The following CUX1 variants were observed in gnomAD, a reference collection of about 807,000 sequenced individuals.
CUX1 encodes the protein cut like homeobox 1.
CUX1 carries 31 observed loss-of-function variants against 158.8 expected under a neutral mutation model. That is an observed-to-expected ratio of 0.20 (90% CI 0.15 to 0.26). The LOEUF (loss-of-function observed/expected upper bound fraction) is 0.26. CUX1 is among the 10% of genes least tolerant of loss of function. The pLI is 1.00. For missense variants in CUX1, 1,589 were observed against 2,014.6 expected, an observed-to-expected ratio of 0.79 and a Z score of 4.04; for synonymous variants, 879 against 862.1, an observed-to-expected ratio of 1.02 and a Z score of -0.34.
intron 8 of CUX1, among the ~76,000 whole-genome samples, chr7:102,119,877 C>T (rs1263596331): frequency 6.6e-6 from 1 of 152,142 alleles, no homozygotes; most frequent in African/African-American, 2.4e-5. Flanking sequence ...AACATAGCTC[C>T]TTCTCAGATG....
At chr7:102,164,397 T>G (rs1790787000) in intron 9 of CUX1, among the ~76,000 whole-genome samples, 1 of 152,256 alleles carries the variant, frequency 6.6e-6, no homozygotes, top group African/African-American at 2.4e-5. Context: ...TGAATGAATA[T>G]GGGCTTTGAC....
chr7:102,055,868 A>G (rs983784521), intron 3 of CUX1, among the ~76,000 whole-genome samples: 4 of 152,232 alleles, frequency 2.6e-5, no homozygotes, highest in African/African-American at 9.6e-5. Flanking sequence ...CATCAAGGAT[A>G]TGAAAAGTGC....
At chr7:102,030,548 T>A (rs1389925378) in intron 3 of CUX1, among the ~76,000 whole-genome samples, 1 of 152,074 alleles carries the variant, frequency 6.6e-6, no homozygotes, top group East Asian at 1.9e-4. Context: ...TAATTCCAGG[T>A]CATCTCATAT....
At chr7:102,231,098 C>T (rs1426233260) in intron 21 of CUX1, among the ~76,000 whole-genome samples, 2 of 147,116 alleles carry the variant, frequency 1.4e-5, no homozygotes, top group African/African-American at 5.1e-5. Flanking sequence ...GGCGCGATCT[C>T]GGCTTACTGC....
intron 3 of CUX1, among the ~76,000 whole-genome samples, chr7:102,029,667 C>T (rs1215514241): frequency 1.3e-5 from 2 of 152,178 alleles, no homozygotes; most frequent in African/African-American, 4.8e-5. Flanking sequence ...GTACCCCTCT[C>T]TTCTTATGAT....
intron 5 of CUX1, among the ~76,000 whole-genome samples, chr7:102,102,071 G>C (rs562224171): frequency 6.6e-6 from 1 of 152,250 alleles, no homozygotes; most frequent in African/African-American, 2.4e-5. Flanking sequence ...CGTATGGCTT[G>C]AGAGAGACGT....
chr7:102,060,847 T>A (rs1824769841), intron 3 of CUX1, among the ~76,000 whole-genome samples: 1 of 146,934 alleles, frequency 6.8e-6, no homozygotes, highest in Non-Finnish European at 1.5e-5. Flanking sequence ...TTCCTGACCT[T>A]GTGATCTGCC....
chr7:102,201,528 A>G lies in CUX1; in HGVS notation c.2231A>G (p.Lys744Arg). The G allele has an allele frequency of 6.2e-7, 1 of 1,614,012 alleles. No homozygotes were observed. Among genetic ancestry groups the G allele is most frequent in the East Asian group, 2.2e-5 (1 of 44,860 alleles). ...AGTGACATCACCATCCTCACCCCCA[A>G]GCTTCTGTCCACCTCGCCCATGCCC... ...SQSDITILTP[K>R]LLSTSPMPTV... The change falls in exon 18 of 24, where the codon AAG (lysine) becomes AGG (arginine). Residue 744 changes from lysine (K) to arginine (R), a missense_variant. Physicochemically the swap from Lys to Arg is conservative, Grantham distance 26. Around this residue, in one of 8 missense-constraint regions of CUX1, gnomAD observed 337 missense variants for 409.3 expected, o/e 0.82. Transcript: ENST00000292535. The surrounding 1 kb of genome is among the most constrained non-coding windows in gnomAD (Gnocchi z 5.0).
intron 2 of CUX1, among the ~76,000 whole-genome samples, chr7:101,998,770 G>T (rs1816297647): frequency 1.3e-5 from 2 of 152,184 alleles, no homozygotes; most frequent in African/African-American, 4.8e-5. Flanking sequence ...CGAGGATGCT[G>T]TGCTGTGTTG....
intron 2 of CUX1, among the ~76,000 whole-genome samples, chr7:101,981,659 C>CTGGT (rs1030323578): frequency 6.6e-5 from 10 of 151,914 alleles, no homozygotes; most frequent in Middle Eastern, 3.2e-3. Flanking sequence ...GTCGCCCAGG[C>CTGGT]TGGAGTACAG....
intron 1 of CUX1, among the ~76,000 whole-genome samples, chr7:101,864,138 C>T (rs561718580): frequency 7.5e-4 from 114 of 152,008 alleles, no homozygotes; most frequent in African/African-American, 2.4e-3. Flanking sequence ...TCCACAGCCT[C>T]GCCAGCATTT....
rs796982088 is a variant in CUX1 at position 101,833,239 on chromosome 7, G to GA, written c.30+15581dup. On this transcript the variant is annotated intron_variant, in intron 1 of 23. Transcript: ENST00000292535. ...AGCACAGTGAGACCCCATCTCTACA[G>GA]AAAAAAAAAAAGAAAAGAAAAGAAA... 7.5e-3 allele frequency among the ~76,000 whole-genome samples: 1,045 copies of GA among 139,674 alleles called. 5 individuals are homozygous for GA. Among genetic ancestry groups the GA allele is most frequent in the African/African-American group, 0.024 (890 of 37,860 alleles). The allele number at this position is 139,674 out of a possible 152,430, so 91.6% of individuals were successfully genotyped here.
At chr7:102,224,743 T>C (rs1798177772) in intron 20 of CUX1, among the ~76,000 whole-genome samples, 1 of 152,190 alleles carries the variant, frequency 6.6e-6, no homozygotes, top group Admixed American at 6.6e-5. Flanking sequence ...AAGAAAGAAC[T>C]GTACAGCCTC....
chr7:102,281,206 C>T (rs1262546146), intron 20 of CUX1, among the ~76,000 whole-genome samples: 1 of 152,018 alleles, frequency 6.6e-6, no homozygotes, highest in African/African-American at 2.4e-5. Flanking sequence ...GATCCTGTCT[C>T]TACAAAAAAT....
In CUX1 at chr7:101,836,411, C is replaced by CA. The variant is rs1487325461; in HGVS notation, c.30+18750dup. 2.6e-5 allele frequency among the ~76,000 whole-genome samples: 4 copies of CA among 151,824 alleles called. No individual in the cohort carries two copies. In the East Asian group the frequency reaches 5.8e-4, roughly 22 times the overall value. Reference sequence around the variant, plus strand: ...GCAATACAGTGAGACCCCATCTCTACAAAAAAAATGGCTGTTGTGCAGTTT... The same window carrying CA: ...GCAATACAGTGAGACCCCATCTCTACAAAAAAAAATGGCTGTTGTGCAGTTT... On this transcript the variant is annotated intron_variant, in intron 1 of 23. Transcript: ENST00000292535.
chr7:102,095,488 C>T (rs1013977745), intron 4 of CUX1, among the ~76,000 whole-genome samples: 2 of 152,092 alleles, frequency 1.3e-5, no homozygotes, highest in African/African-American at 2.4e-5. Flanking sequence ...CCCCAGCACC[C>T]GGGATCTGCT....
At chr7:102,043,720 A>C (rs1822395554) in intron 3 of CUX1, among the ~76,000 whole-genome samples, 1 of 152,086 alleles carries the variant, frequency 6.6e-6, no homozygotes, top group Admixed American at 6.5e-5. Flanking sequence ...AACAATACTG[A>C]TTTCAATCCC....
intron 2 of CUX1, among the ~76,000 whole-genome samples, chr7:101,949,268 A>C (rs1207044017): frequency 1.3e-5 from 2 of 151,760 alleles, no homozygotes; most frequent in African/African-American, 4.8e-5. Flanking sequence ...AGTAGCTGGG[A>C]CTACAGGCGC....
chr7:101,965,742 G>A (rs1034627169), intron 2 of CUX1, among the ~76,000 whole-genome samples: 1 of 151,210 alleles, frequency 6.6e-6, no homozygotes, highest in African/African-American at 2.4e-5. Flanking sequence ...CCAGCTACTC[G>A]GGAGGCTGAG....
Sources: gnomAD v4.1 joint callset for allele counts (sites outside exome capture counted in the v4.1 genomes callset) on GRCh38, gnomAD v4.1.1 for gene constraint, gnomAD v4.1.1 regional missense constraint, Gnocchi (gnomAD v3.1) non-coding constraint, MANE v1.5 for transcripts, NCBI Gene and HGNC (gene_info 2026-07-23, HGNC 2026-07-21) for gene names.